The following TAFA2 variants were observed in gnomAD, a reference collection of about 807,000 sequenced individuals.
TAFA2 encodes TAFA chemokine like family member 2, also known as chemokine-like protein TAFA-2.
Under a neutral mutation model 18.8 loss-of-function variants are expected in TAFA2, and 7 were observed. That is an observed-to-expected ratio of 0.37 (90% CI 0.21 to 0.70). TAFA2 has a LOEUF of 0.70. Among genes scored for constraint, TAFA2 ranks in the 30% least tolerant of loss-of-function variants. The pLI is 0.53. For missense variants in TAFA2, 122 were observed against 158.1 expected, an observed-to-expected ratio of 0.77 and a Z score of 1.23; for synonymous variants, 60 against 54.2, an observed-to-expected ratio of 1.11 and a Z score of -0.47.
intron 2 of TAFA2, among the ~76,000 whole-genome samples, chr12:61,819,137 A>T (rs1872216380): frequency 6.6e-6 from 1 of 152,216 alleles, no homozygotes; most frequent in Non-Finnish European, 1.5e-5. Context: ...TAGTAAAAAT[A>T]GAACAATAGG....
chr12:61,920,442 A>G (rs1465450648), intron 1 of TAFA2, among the ~76,000 whole-genome samples: 2 of 152,324 alleles, frequency 1.3e-5, no homozygotes, highest in Non-Finnish European at 2.9e-5. Flanking sequence ...GGATCAGCAA[A>G]CAAACCTTAC....
At chr12:61,748,002 G>A (rs1306750863) in intron 4 of TAFA2, among the ~76,000 whole-genome samples, 1 of 151,966 alleles carries the variant, frequency 6.6e-6, no homozygotes, top group Non-Finnish European at 1.5e-5. Context: ...GTTAGCAGCG[G>A]CTATCAGTTC....
At chr12:61,781,759 A>C (rs1233569075) in intron 2 of TAFA2, among the ~76,000 whole-genome samples, 1 of 151,778 alleles carries the variant, frequency 6.6e-6, no homozygotes, top group East Asian at 1.9e-4. Context: ...GCAATTATAA[A>C]CTGGTACCAA....
At chr12:62,063,400 T>C (rs958453108) in intron 1 of TAFA2, among the ~76,000 whole-genome samples, 1 of 152,186 alleles carries the variant, frequency 6.6e-6, no homozygotes, top group Non-Finnish European at 1.5e-5. Context: ...TTTCCTACCA[T>C]CAAATTCTTA....
rs567898826 is a variant in TAFA2, at chr12:61,815,487, C to T, written c.106+51833G>A. Among the ~76,000 whole-genome samples, 13 of 150,872 alleles carry T rather than the reference C, an allele frequency of 8.6e-5. No homozygotes were observed. The South Asian group carries it at 2.7e-3, about 31-fold the overall frequency. ...CGAGACCATCCTGTGAATGGTGAAACCCCGTCTCTACTAAAAATACAAAAA... is the reference window on the plus strand; with the variant it reads ...CGAGACCATCCTGTGAATGGTGAAATCCCGTCTCTACTAAAAATACAAAAA... On this transcript the variant is annotated intron_variant, in intron 2 of 4. Transcript: ENST00000416284.
chr12:62,048,990 A>G (rs539448922), intron 1 of TAFA2, among the ~76,000 whole-genome samples: 12 of 149,856 alleles, frequency 8.0e-5, no homozygotes, highest in African/African-American at 2.9e-4. Context: ...CATGTTGCTA[A>G]GCTATCAGTT....
intron 1 of TAFA2, among the ~76,000 whole-genome samples, chr12:62,162,694 G>A (rs1188976641): frequency 6.6e-6 from 1 of 152,102 alleles, no homozygotes; most frequent in African/African-American, 2.4e-5. Context: ...AGTCTGCCTT[G>A]TCAATTTGAC....
chr12:62,227,397 C>A (rs559665042), intron 1 of TAFA2, among the ~76,000 whole-genome samples: 1 of 152,290 alleles, frequency 6.6e-6, no homozygotes, highest in East Asian at 1.9e-4. Context: ...GCAGGGGCAG[C>A]AAACTCTCTG....
intron 4 of TAFA2, among the ~76,000 whole-genome samples, chr12:61,714,097 A>G (rs1425309170): frequency 6.6e-6 from 1 of 152,134 alleles, no homozygotes; most frequent in Non-Finnish European, 1.5e-5. Flanking sequence ...GTTTTACAGG[A>G]TGGGAGATAG....
chr12:62,126,995 G>C (rs1870488094), intron 1 of TAFA2, among the ~76,000 whole-genome samples: 2 of 152,044 alleles, frequency 1.3e-5, no homozygotes, highest in Admixed American at 1.3e-4. Context: ...ACTAGCCAGA[G>C]AATATCTTAT....
At chr12:61,719,767 G>A (rs531504679) in intron 4 of TAFA2, among the ~76,000 whole-genome samples, 9 of 152,280 alleles carry the variant, frequency 5.9e-5, no homozygotes, top group African/African-American at 1.9e-4. Context: ...TGAAGAATAT[G>A]TTGCTGTCAC....
In TAFA2 at chr12:61,907,667, G is replaced by A. The variant is rs572921620; in HGVS notation, c.-1-40241C>T. Reference sequence around the variant, plus strand: ...GTGAGAAGAGGGCCACCATCTTCCAGACCGCATAATGGTATCCACCGACAG... The same window carrying A: ...GTGAGAAGAGGGCCACCATCTTCCAAACCGCATAATGGTATCCACCGACAG... On this transcript the variant is annotated intron_variant, in intron 1 of 4. Coordinates refer to ENST00000416284, the MANE Select transcript of TAFA2 (RefSeq NM_178539.5). 6.6e-5 allele frequency among the ~76,000 whole-genome samples: 10 copies of A among 152,212 alleles called. 1 individual carries two copies. The South Asian group carries it at 2.1e-3, about 32-fold the overall frequency.
At chr12:61,984,725 C>T (rs145998546) in intron 1 of TAFA2, among the ~76,000 whole-genome samples, 1 of 152,136 alleles carries the variant, frequency 6.6e-6, no homozygotes, top group Non-Finnish European at 1.5e-5. Flanking sequence ...ATGAACATAC[C>T]CTCATGTACA....
At chr12:61,957,476 G>A (rs1440614639) in intron 1 of TAFA2, among the ~76,000 whole-genome samples, 2 of 152,030 alleles carry the variant, frequency 1.3e-5, no homozygotes, top group Non-Finnish European at 2.9e-5. Flanking sequence ...CTGAAGTCAG[G>A]CCAAGGACAT....
chr12:62,045,456 G>A (rs1001857348), intron 1 of TAFA2, among the ~76,000 whole-genome samples: 7 of 152,158 alleles, frequency 4.6e-5, no homozygotes, highest in African/African-American at 1.7e-4. Flanking sequence ...TGCACGTAGT[G>A]ACCTCCCTGG....
chr12:61,882,317 T>C (rs913973654), intron 1 of TAFA2, among the ~76,000 whole-genome samples: 36 of 152,194 alleles, frequency 2.4e-4, no homozygotes, highest in African/African-American at 8.2e-4. Context: ...TCACAGCATC[T>C]GCACTTTGGC....
intron 4 of TAFA2, among the ~76,000 whole-genome samples, chr12:61,739,627 T>C (rs903990637): frequency 7.2e-5 from 11 of 152,088 alleles, no homozygotes; most frequent in Admixed American, 3.3e-4. Flanking sequence ...GCTTTTATCA[T>C]AATTTCCCTT....
intron 2 of TAFA2, among the ~76,000 whole-genome samples, chr12:61,808,965 G>A (rs1441841621): frequency 2.6e-5 from 4 of 151,460 alleles, no homozygotes; most frequent in African/African-American, 2.5e-5. Flanking sequence ...ACACCTAAGC[G>A]AATGTGACTC....
chr12:62,225,489 A>G (rs2062782168), intron 1 of TAFA2, among the ~76,000 whole-genome samples: 1 of 152,228 alleles, frequency 6.6e-6, no homozygotes, highest in African/African-American at 2.4e-5. Context: ...GAAAAGCCAT[A>G]AAAGAAAGCA....
Sources: gnomAD v4.1 joint callset for allele counts (sites outside exome capture counted in the v4.1 genomes callset) on GRCh38, gnomAD v4.1.1 for gene constraint, MANE v1.5 for transcripts, NCBI Gene and HGNC (gene_info 2026-07-23, HGNC 2026-07-21) for gene names.